Variants in SESN1 observed in about 807,000 individuals in gnomAD.
SESN1 encodes the protein sestrin 1.
Under a neutral mutation model 59.3 loss-of-function variants are expected in SESN1, and 30 were observed. The observed-to-expected ratio is 0.51, with a 90% CI of 0.38 to 0.69. The LOEUF is 0.69. Ranked by LOEUF, SESN1 falls within the 30% of genes least tolerant of loss-of-function variation. SESN1 has a pLI of 0.00. For synonymous variants in SESN1, 197 were observed against 219.9 expected (o/e 0.90, Z 0.92); for missense variants, 566 against 673.0 (o/e 0.84, Z 1.76).
At chr6:109,030,620 GA>G (rs924111892) in intron 1 of SESN1, among the ~76,000 whole-genome samples, 1 of 151,862 alleles carries the variant, frequency 6.6e-6, no homozygotes, top group African/African-American at 2.4e-5. Context: ...TGTCACAAAG[GA>G]AAAAAATAAG....
chr6:109,039,151 A>AAGG (rs989618205), intron 1 of SESN1, among the ~76,000 whole-genome samples: 7 of 133,544 alleles, frequency 5.2e-5, no homozygotes, highest in Admixed American at 3.6e-4. Context: ...GAGGAGAAGG[A>AAGG]AGGAGGAGGA....
chr6:109,066,859 A>G (rs569404618), intron 1 of SESN1, among the ~76,000 whole-genome samples: 2 of 150,550 alleles, frequency 1.3e-5, no homozygotes, highest in African/African-American at 5.0e-5. Flanking sequence ...TCAAGTGTCA[A>G]TGAAGACTTA....
intron 1 of SESN1, among the ~76,000 whole-genome samples, chr6:109,073,478 G>C (rs1368882332): frequency 6.6e-6 from 1 of 152,116 alleles, no homozygotes; most frequent in Non-Finnish European, 1.5e-5. Context: ...TAAGTGTTGT[G>C]ACATTGCAAA....
intron 1 of SESN1, among the ~76,000 whole-genome samples, chr6:109,010,796 A>T (rs1399294129): frequency 6.6e-6 from 1 of 152,246 alleles, no homozygotes; most frequent in Non-Finnish European, 1.5e-5. Flanking sequence ...CCAAGCTCTC[A>T]TCCACTGAGC....
intron 1 of SESN1, among the ~76,000 whole-genome samples, chr6:109,085,355 TAAAA>T (rs1781195385): frequency 6.6e-6 from 1 of 152,078 alleles, no homozygotes; most frequent in Non-Finnish European, 1.5e-5. Context: ...CCGTCTCTAC[TAAAA>T]ATACAAAAAA....
intron 1 of SESN1, among the ~76,000 whole-genome samples, chr6:109,004,743 A>T (rs371475102): frequency 2.0e-5 from 3 of 149,966 alleles, no homozygotes; most frequent in African/African-American, 7.4e-5. Context: ...ATCGTATTTT[A>T]AAAATGAGCA....
At chr6:108,987,806 C>CTTTT (rs3029194) in intron 9 of SESN1, among the ~76,000 whole-genome samples, 176 bp from the exon 10 acceptor site, 21,821 of 135,282 alleles carry the variant, frequency 0.16, 2,316 homozygotes, top group Non-Finnish European at 0.22. Context: ...CAGCAGCTAT[C>CTTTT]TTTTTTTTTT....
At chr6:109,027,589 A>AT (rs1280844272) in intron 1 of SESN1, among the ~76,000 whole-genome samples, 2 of 150,664 alleles carry the variant, frequency 1.3e-5, no homozygotes, top group African/African-American at 2.4e-5. Context: ...TTAACAAGTG[A>AT]TTTTTTTCTC....
intron 1 of SESN1, among the ~76,000 whole-genome samples, chr6:109,089,220 T>C (rs1470035019): frequency 2.0e-5 from 3 of 152,242 alleles, no homozygotes; most frequent in African/African-American, 7.2e-5. Context: ...CAGCTTTTGC[T>C]GCTTTACTAA....
chr6:109,036,424 A>G (rs1183607199), intron 1 of SESN1, among the ~76,000 whole-genome samples: 1 of 152,212 alleles, frequency 6.6e-6, no homozygotes, highest in Non-Finnish European at 1.5e-5. Context: ...TTTGCCTAAT[A>G]AAAGATGGCA....
chr6:109,028,026 A>C (rs1235154403), intron 1 of SESN1, among the ~76,000 whole-genome samples: 2 of 151,910 alleles, frequency 1.3e-5, no homozygotes, highest in African/African-American at 4.8e-5. Flanking sequence ...TCATTTTCCT[A>C]ATGATGTCTT....
chr6:109,080,782 T>G (rs1031797938), intron 1 of SESN1, among the ~76,000 whole-genome samples: 1 of 152,104 alleles, frequency 6.6e-6, no homozygotes, highest in Non-Finnish European at 1.5e-5. Context: ...AGACTGAGCA[T>G]CCCTAATCCA....
At chr6:109,059,072 T>C (rs776000291) in intron 1 of SESN1, among the ~76,000 whole-genome samples, 16 of 151,802 alleles carry the variant, frequency 1.1e-4, no homozygotes, top group Admixed American at 5.2e-4. Context: ...TCAAAATTTA[T>C]GTAACTCCAT....
chr6:109,050,022 A>C (rs1252019140), intron 1 of SESN1, among the ~76,000 whole-genome samples: 2 of 152,240 alleles, frequency 1.3e-5, no homozygotes, highest in Non-Finnish European at 2.9e-5. Context: ...CTGTAAGTAA[A>C]GGAATAACAA....
intron 4 of SESN1, 22 bp from the exon 5 acceptor site, chr6:108,998,777 A>T (rs1440315978): frequency 6.3e-7 from 1 of 1,587,972 alleles, no homozygotes; most frequent in Admixed American, 1.8e-5. Flanking sequence ...AAAAAAAAAG[A>T]ATATATTTTT....
intron 1 of SESN1, among the ~76,000 whole-genome samples, chr6:109,059,016 C>T (rs1266354820): frequency 6.6e-6 from 1 of 151,932 alleles, no homozygotes; most frequent in East Asian, 1.9e-4. Flanking sequence ...TCCAAAATAT[C>T]AAGTATACTA....
At chr6:109,000,426 G>T in intron 4 of SESN1, 65 bp downstream of exon 4, 1 of 1,265,286 alleles carries the variant, frequency 7.9e-7, no homozygotes, top group Non-Finnish European at 1.0e-6. Flanking sequence ...CGATTTTTCT[G>T]TAATCCTAAA....
chr6:109,013,607 T>C (rs1342252622), intron 1 of SESN1, among the ~76,000 whole-genome samples: 1 of 152,228 alleles, frequency 6.6e-6, no homozygotes, highest in African/African-American at 2.4e-5. Flanking sequence ...ATGGACCACA[T>C]GTTAAACCCT....
chr6:109,040,777 TG>T (rs1020613336), intron 1 of SESN1, among the ~76,000 whole-genome samples: 1 of 151,592 alleles, frequency 6.6e-6, no homozygotes, highest in Admixed American at 6.6e-5. Flanking sequence ...CTCAGCCTCC[TG>T]AGTAGCTGGA....
Sources: allele counts gnomAD v4.1 joint callset (sites outside exome capture counted in the v4.1 genomes callset), GRCh38; gene constraint gnomAD v4.1.1; transcripts MANE v1.5; gene names NCBI Gene and HGNC (gene_info 2026-07-23, HGNC 2026-07-21).